The following SH3BP5 variants were observed in gnomAD, a reference collection of about 807,000 sequenced individuals.
SH3BP5 encodes SH3 domain binding protein 5.
SH3BP5 carries 22 observed loss-of-function variants against 43.3 expected under a neutral mutation model. That is an observed-to-expected ratio of 0.51 (90% confidence interval 0.36 to 0.73). The LOEUF (loss-of-function observed/expected upper bound fraction) is 0.73. SH3BP5 is among the 30% of genes least tolerant of loss of function. The pLI, the probability that SH3BP5 is intolerant of heterozygous loss-of-function variation, is 0.00. For synonymous variants in SH3BP5, 255 were observed against 225.8 expected, an observed-to-expected ratio of 1.13 and a Z score of -1.16; for missense variants, 529 against 586.9, an observed-to-expected ratio of 0.90 and a Z score of 1.02.
At chr3:15,262,540 C>G (rs1696487831) in intron 4 of SH3BP5, among the ~76,000 whole-genome samples, 1 of 152,110 alleles carries the variant, frequency 6.6e-6, no homozygotes, top group African/African-American at 2.4e-5. Context: ...TCCTGTAGTC[C>G]CAGCTACTCA....
chr3:15,332,754 C>T, upstream of SH3BP5: 1 of 758,972 alleles, frequency 1.3e-6, no homozygotes, highest in Non-Finnish European at 1.7e-6. Flanking sequence ...GGACAGCCCC[C>T]ACCCCCTTGT....
chr3:15,332,169 GACC>G lies in SH3BP5; in HGVS notation c.138+99_138+101del, dbSNP rs960076850. 4.0e-6 allele frequency: 6 copies of G among 1,514,784 alleles called. No individual in the cohort carries two copies. The African/African-American group carries it at 8.3e-5, about 21-fold the overall frequency. The allele number at this position is 1,514,784 out of a possible 1,614,324, so 93.8% of individuals were successfully genotyped here. A position where few individuals can be genotyped will look rare whatever the true frequency, so the allele number is the denominator to read the frequency against. On this transcript the variant is annotated intron_variant, in intron 1 of 8. Coordinates refer to ENST00000383791, the MANE Select transcript of SH3BP5 (RefSeq NM_004844.5). ...CACCCTATGTGGCCGCCAGTCCCCG[GACC>G]ACAGTTACTGGGGGCTGCGAAGTGG...
intron 2 of SH3BP5, among the ~76,000 whole-genome samples, chr3:15,311,493 G>A (rs1275818150): frequency 6.6e-6 from 1 of 152,120 alleles, no homozygotes; most frequent in East Asian, 1.9e-4. Flanking sequence ...CCAGGAAGTG[G>A]AGGTTGCAGT....
intron 3 of SH3BP5, among the ~76,000 whole-genome samples, chr3:15,295,253 C>T (rs570694740): frequency 1.3e-5 from 2 of 152,330 alleles, no homozygotes; most frequent in South Asian, 2.1e-4. Flanking sequence ...TGCCTACTTA[C>T]TAAGCTTTAT....
At chr3:15,321,303 T>C (rs1296094906) in intron 2 of SH3BP5, among the ~76,000 whole-genome samples, 3 of 152,212 alleles carry the variant, frequency 2.0e-5, no homozygotes, top group Non-Finnish European at 2.9e-5. Flanking sequence ...TTCTTGGCTG[T>C]AGAAGATCCT....
intron 2 of SH3BP5, among the ~76,000 whole-genome samples, chr3:15,328,145 C>T (rs1455868000): frequency 6.6e-6 from 1 of 152,118 alleles, no homozygotes. Context: ...CTGGCCACCC[C>T]CCTCACACCC....
chr3:15,332,248 CG>C, intron 1 of SH3BP5, 22 bp downstream of exon 1: 1 of 1,551,264 alleles, frequency 6.4e-7, no homozygotes, highest in Non-Finnish European at 8.7e-7. Context: ...AGCCCGGATG[CG>C]GGGCGACCCC....
At chr3:15,284,082 C>T (rs555542247) in intron 3 of SH3BP5, among the ~76,000 whole-genome samples, 2 of 152,192 alleles carry the variant, frequency 1.3e-5, no homozygotes, top group South Asian at 2.1e-4. Flanking sequence ...ATTATCCCCC[C>T]TCTCCAGTGG....
intron 1 of SH3BP5, chr3:15,339,601 C>G (rs1698739484): frequency 1.3e-5 from 2 of 151,888 alleles, no homozygotes; most frequent in Admixed American, 6.6e-5. Flanking sequence ...TCCCAGCTAC[C>G]AGGGAGGCTG....
At chr3:15,257,186 AG>A in intron 7 of SH3BP5, 73 bp from the exon 8 acceptor site, 3 of 1,489,834 alleles carry the variant, frequency 2.0e-6, no homozygotes, top group Non-Finnish European at 2.8e-6. Flanking sequence ...TGCTGCTGGC[AG>A]GCAGCTAGAC....
chr3:15,277,147 G>C (rs920819914), intron 3 of SH3BP5, among the ~76,000 whole-genome samples: 1 of 151,940 alleles, frequency 6.6e-6, no homozygotes, highest in Non-Finnish European at 1.5e-5. Flanking sequence ...TACGAAACAG[G>C]GTTTTTTAGT....
At chr3:15,280,114 T>C (rs1037153705) in intron 3 of SH3BP5, among the ~76,000 whole-genome samples, 6 of 152,076 alleles carry the variant, frequency 3.9e-5, no homozygotes, top group African/African-American at 1.4e-4. Context: ...CCTTTCACAA[T>C]TACAAGCAGC....
chr3:15,291,024 C>G (rs1448808826), intron 3 of SH3BP5, among the ~76,000 whole-genome samples: 6 of 152,110 alleles, frequency 3.9e-5, no homozygotes, highest in Non-Finnish European at 8.8e-5. Context: ...CCATGAAGCC[C>G]TTCGGAATTC....
intron 3 of SH3BP5, among the ~76,000 whole-genome samples, chr3:15,293,093 C>G (rs1697459358): frequency 6.6e-6 from 1 of 152,250 alleles, no homozygotes; most frequent in Non-Finnish European, 1.5e-5. Flanking sequence ...GAATCTTCAG[C>G]CAAGACTGTC....
chr3:15,270,759 C>T (rs1392810239), intron 3 of SH3BP5, among the ~76,000 whole-genome samples: 1 of 151,878 alleles, frequency 6.6e-6, no homozygotes, highest in Non-Finnish European at 1.5e-5. Context: ...AACCCCATCT[C>T]TACTAAAAAC....
intron 3 of SH3BP5, among the ~76,000 whole-genome samples, chr3:15,273,799 ACT>A (rs1200805433): frequency 6.6e-6 from 1 of 152,198 alleles, no homozygotes; most frequent in Non-Finnish European, 1.5e-5. Context: ...GTAAATGAAC[ACT>A]GAGTGAGATT....
chr3:15,278,987 T>A (rs1274334004), intron 3 of SH3BP5, among the ~76,000 whole-genome samples: 3 of 152,104 alleles, frequency 2.0e-5, no homozygotes, highest in Non-Finnish European at 4.4e-5. Flanking sequence ...TTGGCCAACA[T>A]GGCGAAACCC....
At position 15,258,609 on chromosome 3, in the gene SH3BP5, A is replaced by AT. The variant is rs760453193; in HGVS notation, c.889+221dup. 82 of 569,630 alleles carry AT rather than the reference A, an allele frequency of 1.4e-4. 1 individual carries two copies. The South Asian group carries it at 1.8e-3, about 13-fold the overall frequency. 35.3% of individuals were successfully genotyped at this position (569,630 alleles called of 1,614,324 possible). A position where few individuals can be genotyped will look rare whatever the true frequency, so the allele number is the denominator to read the frequency against. The stretch of plus-strand genomic sequence containing the variant: ...TCTCAAAGAGGAGTGAAGGTGTAAC[A>AT]TTTTCCCAATTTATTTGACCACAGA... On this transcript the variant is annotated intron_variant, in intron 7 of 8. Coordinates refer to ENST00000383791, the MANE Select transcript of SH3BP5 (RefSeq NM_004844.5).
intron 2 of SH3BP5, among the ~76,000 whole-genome samples, chr3:15,315,881 C>T (rs1392792097): frequency 6.6e-6 from 1 of 152,092 alleles, no homozygotes; most frequent in African/African-American, 2.4e-5. Flanking sequence ...GACACCATGC[C>T]CCTTTACCCT....
Sources: allele counts gnomAD v4.1 joint callset (sites outside exome capture counted in the v4.1 genomes callset), GRCh38; gene constraint gnomAD v4.1.1; transcripts MANE v1.5; gene names NCBI Gene and HGNC (gene_info 2026-07-23, HGNC 2026-07-21).